Variants in NOTCH4 observed in about 807,000 individuals in gnomAD.
NOTCH4 encodes neurogenic locus notch homolog protein 4.
NOTCH4 carries 138 observed loss-of-function variants against 189.0 expected under a neutral mutation model. The ratio of observed to expected loss-of-function variants is 0.73; its 90% CI spans 0.64 to 0.84. The LOEUF (loss-of-function observed/expected upper bound fraction) is 0.84, where lower values mean the gene tolerates loss of function less well. Ranked by LOEUF, NOTCH4 falls within the 40% of genes least tolerant of loss-of-function variation. The probability of loss-of-function intolerance (pLI) is 0.00; values close to 1 mark genes in which losing one functional copy is unlikely to be tolerated. For synonymous variants in NOTCH4, 942 were observed against 1,032.8 expected (o/e 0.91, Z 1.69); for missense variants, 2,286 against 2,605.4 (o/e 0.88, Z 2.67).
rs1788501323 is a variant in NOTCH4, at chr6:32,203,813, G to T, written c.3188C>A (p.Ala1063Asp). Residue 1063 changes from alanine (A) to aspartate (D), a missense_variant, in exon 20 of 30, where the codon GCC becomes GAC. Transcript: ENST00000375023. ...GAAACCCAGGGGTGATCCTGCTGTG[G>T]CCTCACAGGTCCCTCCATGAAAGCA... ...QPCFHGGTCE[A>D]TAGSPLGFIC... The T allele has an allele frequency of 1.3e-6, 2 of 1,561,262 alleles. No homozygotes were observed. Among genetic ancestry groups the T allele is most frequent in the Non-Finnish European group, 1.7e-6 (2 of 1,152,292 alleles).
At chr6:32,213,659 C>T in intron 14 of NOTCH4, 29 bp downstream of exon 14, 5 of 1,609,278 alleles carry the variant, frequency 3.1e-6, no homozygotes, top group Middle Eastern at 1.7e-4. Flanking sequence ...TCCTGTGGAC[C>T]CCAGCCCCAT....
chr6:32,202,363 G>A lies in NOTCH4; in HGVS notation c.3468C>T (p.Gly1156=). 6.2e-7 allele frequency: 1 copy of A among 1,612,838 alleles called. No homozygotes were observed. The highest frequency in any genetic ancestry group is 8.5e-7 in the Non-Finnish European group (1 of 1,179,972). ...AGCTGTGAGGGCAGGAGCATCGAAA[G>A]CCTGGGCCCCCCAAGCCCGTGGTCT... The part of the protein sequence containing the change: ...CSETTGLGGP[G]FRCSCPHSSP... The change falls in exon 21 of 30, where the codon GGC becomes GGT. Residue 1156 remains glycine, a synonymous_variant. Transcript: ENST00000375023. The surrounding 1 kb of genome is among the most constrained non-coding windows in gnomAD (Gnocchi z 5.7).
intron 18 of NOTCH4, among the ~76,000 whole-genome samples, chr6:32,207,927 C>T (rs1243850325): frequency 6.6e-6 from 1 of 150,548 alleles, no homozygotes; most frequent in Non-Finnish European, 1.5e-5. Context: ...TCGCTTGAAC[C>T]CAGGAGGCAA....
intron 18 of NOTCH4, among the ~76,000 whole-genome samples, chr6:32,207,052 C>G (rs958940181): frequency 6.6e-6 from 1 of 151,628 alleles, no homozygotes; most frequent in Non-Finnish European, 1.5e-5. Context: ...GCCTCAGCCT[C>G]CTGAGTAGCT....
rs761613214 is a variant in NOTCH4 at position 32,222,968 on chromosome 6, T to C, written c.155+37A>G. 5.1e-6 allele frequency: 8 copies of C among 1,555,128 alleles called. No homozygotes were observed. In the African/African-American group the frequency reaches 1.1e-4, roughly 21 times the overall value. ...CTCCCCCCCTGCTCTCCCTCCCCCT[T>C]TCTCTCCAGTCTCCCACTCCTGCAA... On this transcript the variant is annotated intron_variant, in intron 2 of 29. Transcript: ENST00000375023.
Position 32,196,907 on chromosome 6 carries a change from ACCCCTTCCTCTACATACC to A in NOTCH4, c.5200_5200+17del, listed in dbSNP as rs1561911388. The A allele has an allele frequency of 6.2e-7, 1 of 1,611,608 alleles. No homozygotes were observed. On this transcript the variant is annotated splice_donor_variant and splice_donor_5th_base_variant and coding_sequence_variant and intron_variant, in exon 28 of 30. Transcript: ENST00000375023. LOFTEE classifies it high-confidence loss of function. Reference sequence around the variant, plus strand: ...GCTCAACTTCTCTATAGCATACATCACCCCTTCCTCTACATACCCCATTTATCTCTGGCCCCCACGTCT... The same window carrying A: ...GCTCAACTTCTCTATAGCATACATCACCATTTATCTCTGGCCCCCACGTCT...
rs145650420 is a variant in NOTCH4, at chr6:32,213,173, C to T, written c.2400G>A (p.Pro800=). 1.3e-3 allele frequency: 2,116 copies of T among 1,613,932 alleles called. 10 individuals are homozygous for T. Among genetic ancestry groups the T allele is most frequent in the Admixed American group, 5.3e-3 (319 of 59,992 alleles). The part of the protein sequence containing the change: ...SCLCAMGFQG[P]RCEGKLRPSC... ...TGGGGCGGAGCTTTCCCTCACAGCG[C>T]GGGCCCTGGAAGCCCATGGCACAGA... is the stretch of plus-strand genomic sequence containing the variant. The change falls in exon 15 of 30, where the codon CCG becomes CCA. Residue 800 remains proline, a synonymous_variant. Transcript: ENST00000375023.
At chr6:32,203,582 G>T in intron 20 of NOTCH4, 188 bp downstream of exon 20, 1 of 554,900 alleles carries the variant, frequency 1.8e-6, no homozygotes, top group South Asian at 2.7e-5. Flanking sequence ...TTCCATTCAT[G>T]CTATCAACTG....
chr6:32,200,420 AG>A lies in NOTCH4; in HGVS notation c.4315+410del, dbSNP rs1400582492. On this transcript the variant is annotated intron_variant, in intron 23 of 29. Coordinates refer to ENST00000375023, the MANE Select transcript of NOTCH4 (RefSeq NM_004557.4). The surrounding 1 kb of genome is among the most constrained non-coding windows in gnomAD (Gnocchi z 5.0). ...GAGACAGGGTTTCACCGCATTAGCC[AG>A]GATGGTCTCAATCTCCTGACCTCGT... Among the ~76,000 whole-genome samples, 2 of 152,188 alleles carry A rather than the reference AG, an allele frequency of 1.3e-5. No individual in the cohort carries two copies. The highest frequency in any genetic ancestry group is 4.8e-5 in the African/African-American group (2 of 41,452).
rs1427709013 is a variant in NOTCH4 at position 32,221,159 on chromosome 6, G to A, written c.618C>T (p.Pro206=). The change falls in exon 4 of 30, where the codon CCC becomes CCT. Residue 206 remains proline, a synonymous_variant. Transcript: ENST00000375023. The surrounding 1 kb of genome is among the most constrained non-coding windows in gnomAD (Gnocchi z 4.3). ...GGGTGTTATGGCAGGAGGTGCCTTT[G>A]GGGCAGGGTCCTGGGTCCTGGAAGC... The part of the protein sequence containing the change: ...NECFQDPGPC[P]KGTSCHNTLG... 5.0e-6 allele frequency: 8 copies of A among 1,612,928 alleles called. No homozygotes were observed.
rs1031617887 is a variant in NOTCH4, at chr6:32,199,658, C to T, written c.4316-513G>A. Among the ~76,000 whole-genome samples the T allele has an allele frequency of 3.3e-5, 5 of 152,046 alleles. No homozygotes were observed. The highest frequency in any genetic ancestry group is 6.5e-5 in the Admixed American group (1 of 15,274). ...GGTGGAGCTTGCAGTGAGCCGAGATCGCGCCACTGCACTCCGGCCTGGGCG... is the reference window on the plus strand; with the variant it reads ...GGTGGAGCTTGCAGTGAGCCGAGATTGCGCCACTGCACTCCGGCCTGGGCG... On this transcript the variant is annotated intron_variant, in intron 23 of 29. Coordinates refer to ENST00000375023, the MANE Select transcript of NOTCH4 (RefSeq NM_004557.4). This position sits in a 1 kb window ranked among gnomAD's most constrained non-coding sequence, Gnocchi z 4.9.
At position 32,197,081 on chromosome 6, in the gene NOTCH4, A is replaced by G. The variant is rs1582767700; in HGVS notation, c.5053-9T>C. On this transcript the variant is annotated splice_polypyrimidine_tract_variant and intron_variant, in intron 27 of 29. Transcript: ENST00000375023. ...CTGCTACGGAGCAGAAGCTGGGGAG[A>G]CAGAGGGCCAGTGACCCCTGGGGTA... 12 of 1,611,648 alleles carry G rather than the reference A, an allele frequency of 7.4e-6. No homozygotes were observed. Among genetic ancestry groups the G allele is most frequent in the Non-Finnish European group, 9.3e-6 (11 of 1,179,824 alleles).
Position 32,217,292 on chromosome 6 carries a change from G to A in NOTCH4, c.1625-26C>T. On this transcript the variant is annotated intron_variant, in intron 9 of 29. Transcript: ENST00000375023. The surrounding 1 kb of genome is among the most constrained non-coding windows in gnomAD (Gnocchi z 4.2). ...CTGGTGGGGCGGAAGTGGGTGGGGA[G>A]AGGAGGCCAAGGTCATCGAGGGAGG... 22 of 1,518,072 alleles carry A rather than the reference G, an allele frequency of 1.4e-5. No homozygotes were observed. Among genetic ancestry groups the A allele is most frequent in the Non-Finnish European group, 1.9e-5 (21 of 1,094,654 alleles). 94.0% of individuals were successfully genotyped at this position (1,518,072 alleles called of 1,614,324 possible). A position where few individuals can be genotyped will look rare whatever the true frequency, so the allele number is the denominator to read the frequency against.
rs1789091976 is a variant in NOTCH4, at chr6:32,212,584, G to C, written c.2570C>G (p.Ser857Cys). 2 of 1,613,188 alleles carry C rather than the reference G, an allele frequency of 1.2e-6. No individual in the cohort carries two copies. The highest frequency in any genetic ancestry group is 1.7e-5 in the Admixed American group (1 of 60,014). The change falls in exon 17 of 30, where the codon TCC (serine) becomes TGC (cysteine). Residue 857 changes from serine to cysteine, a missense_variant. Around this residue, in one of 2 missense-constraint regions of NOTCH4, gnomAD observed 1,903 missense variants for 2,261.9 expected, o/e 0.84. Coordinates refer to ENST00000375023, the MANE Select transcript of NOTCH4 (RefSeq NM_004557.4). The surrounding 1 kb of genome is among the most constrained non-coding windows in gnomAD (Gnocchi z 4.4). Reference sequence around the variant, plus strand: ...GGAGGGCCCAGTCTGGAGGCAGTGGGAATTGCGTGGGCAGGGCTTCTGGGC... The same window carrying C: ...GGAGGGCCCAGTCTGGAGGCAGTGGCAATTGCGTGGGCAGGGCTTCTGGGC... The part of the protein sequence containing the change: ...LCAQKPCPRN[S>C]HCLQTGPSFH...
chr6:32,203,970 G>A (rs1788516709), intron 19 of NOTCH4, 88 bp from the exon 20 acceptor site: 5 of 1,332,674 alleles, frequency 3.8e-6, no homozygotes, highest in Non-Finnish European at 5.2e-6. Context: ...CCCAGTGCTA[G>A]ATGTGCAGGT....
Position 32,198,300 on chromosome 6 carries a change from C to G in NOTCH4, c.4756+121G>C. 1 of 1,067,932 alleles carries G rather than the reference C, an allele frequency of 9.4e-7. No homozygotes were observed. Among genetic ancestry groups the G allele is most frequent in the South Asian group, 1.7e-5 (1 of 59,452 alleles). The allele number at this position is 1,067,932 out of a possible 1,614,324, so 66.2% of individuals were successfully genotyped here. A position where few individuals can be genotyped will look rare whatever the true frequency, so the allele number is the denominator to read the frequency against. On this transcript the variant is annotated intron_variant, in intron 26 of 29. Coordinates refer to ENST00000375023, the MANE Select transcript of NOTCH4 (RefSeq NM_004557.4). This position sits in a 1 kb window ranked among gnomAD's most constrained non-coding sequence, Gnocchi z 5.5. ...TGTCTGAGGACCACACTTTGAGAAT[C>G]ATTGTTCTAAGGCACTCAGTCTAAA...
intron 17 of NOTCH4, among the ~76,000 whole-genome samples, chr6:32,211,772 C>T (rs950472039): frequency 6.6e-6 from 1 of 152,118 alleles, no homozygotes; most frequent in Non-Finnish European, 1.5e-5. Context: ...ACTCCTGGCA[C>T]TGAAGAAATT....
Position 32,195,650 on chromosome 6 carries a change from T to C in NOTCH4, c.5799A>G (p.Arg1933=). The change falls in exon 30 of 30, where the codon AGA becomes AGG. Residue 1933 remains arginine (R), a synonymous_variant. Coordinates refer to ENST00000375023, the MANE Select transcript of NOTCH4 (RefSeq NM_004557.4). This position sits in a 1 kb window ranked among gnomAD's most constrained non-coding sequence, Gnocchi z 5.4. The part of the protein sequence containing the change: ...PRPNPAIMRG[R]YGVAAGRGGR... ...CTCCGCGCCCGGCAGCCACTCCGTATCTTCCTCGCATTATCGCAGGGTTGG... is the reference window on the plus strand; with the variant it reads ...CTCCGCGCCCGGCAGCCACTCCGTACCTTCCTCGCATTATCGCAGGGTTGG... 6.2e-7 allele frequency: 1 copy of C among 1,612,972 alleles called. No homozygotes were observed. The highest frequency in any genetic ancestry group is 8.5e-7 in the Non-Finnish European group (1 of 1,179,966).
rs1447839656 is a variant in NOTCH4, at chr6:32,197,041, T to A, written c.5084A>T (p.Asp1695Val). The change falls in exon 28 of 30, where the codon GAC (aspartate) becomes GTC (valine). Residue 1695 changes from aspartate to valine, a missense_variant. Physicochemically the swap from Asp to Val is radical, Grantham distance 152 (BLOSUM62 -3). Around this residue, in one of 2 missense-constraint regions of NOTCH4, gnomAD observed 1,903 missense variants for 2,261.9 expected, o/e 0.84. Transcript: ENST00000375023. Reference sequence around the variant, plus strand: ...TGTGGTCCCGTCCTCTGTGCGAGCGTCCACTGCAGTTTGTCTGCTACGGAG... The same window carrying A: ...TGTGGTCCCGTCCTCTGTGCGAGCGACCACTGCAGTTTGTCTGCTACGGAG... ...LLLRSRQTAV[D>V]ARTEDGTTPL... 7.4e-6 allele frequency: 12 copies of A among 1,612,774 alleles called. No individual in the cohort carries two copies. The highest frequency in any genetic ancestry group is 1.0e-5 in the Non-Finnish European group (12 of 1,180,002).
Sources: allele counts gnomAD v4.1 joint callset (sites outside exome capture counted in the v4.1 genomes callset), GRCh38; gene constraint gnomAD v4.1.1; regional missense constraint gnomAD v4.1.1; non-coding constraint Gnocchi (gnomAD v3.1); transcripts MANE v1.5; gene names NCBI Gene and HGNC (gene_info 2026-07-23, HGNC 2026-07-21).